Variants in GCNT4 observed in about 807,000 individuals in gnomAD.
GCNT4 encodes the protein beta-1,3-galactosyl-O-glycosyl-glycoprotein beta-1,6-N-acetylglucosaminyltransferase 4.
Under a neutral mutation model 31.3 loss-of-function variants are expected in GCNT4, and 17 were observed. That is an observed-to-expected ratio of 0.54 (90% CI 0.37 to 0.81). The LOEUF is 0.81. Ranked by LOEUF, GCNT4 falls within the 40% of genes least tolerant of loss-of-function variation. The probability of loss-of-function intolerance (pLI) is 0.00; values close to 1 mark genes in which losing one functional copy is unlikely to be tolerated. For synonymous variants in GCNT4, 158 were observed against 190.6 expected (o/e 0.83, Z 1.41); for missense variants, 503 against 525.5 (o/e 0.96, Z 0.42).
At position 75,026,697 on chromosome 5, in the gene GCNT4, C is replaced by T. The variant is rs1742953836; in HGVS notation, c.*1979G>A. On this transcript the variant is annotated 3_prime_UTR_variant, in exon 4 of 4. Coordinates refer to ENST00000652361, the MANE Select transcript of GCNT4 (RefSeq NM_001366737.1). Reference sequence around the variant, plus strand: ...ACACTTGTGTGGAAGCAAGGATAGGCATCCAAGTGCTCATTTCAAAGATCT... The same window carrying T: ...ACACTTGTGTGGAAGCAAGGATAGGTATCCAAGTGCTCATTTCAAAGATCT... 7.1e-6 allele frequency: 1 copy of T among 141,534 alleles called. No homozygotes were observed. The highest frequency in any genetic ancestry group is 2.7e-5 in the African/African-American group (1 of 37,340). 8.8% of individuals were successfully genotyped at this position (141,534 alleles called of 1,614,324 possible).
intron 3 of GCNT4, among the ~76,000 whole-genome samples, chr5:75,040,433 T>C (rs530664329): frequency 1.6e-4 from 24 of 152,316 alleles, no homozygotes; most frequent in Admixed American, 6.5e-4. Context: ...ATTAAAGACA[T>C]CCATACCTGG....
At position 75,029,773 on chromosome 5, in the gene GCNT4, C is replaced by T. The variant is rs752610975; in HGVS notation, c.265G>A (p.Glu89Lys). 3.7e-6 allele frequency: 6 copies of T among 1,614,118 alleles called. No homozygotes were observed. Among genetic ancestry groups the T allele is most frequent in the Non-Finnish European group, 5.1e-6 (6 of 1,180,004 alleles). Residue 89 changes from glutamate to lysine, a missense_variant, in exon 4 of 4, where the codon GAA becomes AAA. Glu to Lys is a moderately conservative substitution (Grantham distance 56). Transcript: ENST00000652361. ...TCAATGATGTCCCTTCTTCTTATTT[C>T]CAGACTCTTTCCAATTTCCAAAGGC... The part of the protein sequence containing the change: ...QEPLEIGKSL[E>K]IRRRDIIDLE...
chr5:75,047,537 G>T (rs1743468898), intron 3 of GCNT4, among the ~76,000 whole-genome samples: 1 of 152,050 alleles, frequency 6.6e-6, no homozygotes, highest in South Asian at 2.1e-4. Flanking sequence ...ATTAGTTAAG[G>T]ATAATGATAC....
intron 2 of GCNT4, among the ~76,000 whole-genome samples, chr5:75,050,360 C>G (rs1408856865): frequency 6.6e-6 from 1 of 152,200 alleles, no homozygotes; most frequent in Non-Finnish European, 1.5e-5. Context: ...CCTGTGTGTT[C>G]AGCTTCTCCT....
Position 75,032,922 on chromosome 5 carries a change from T to TGTGA in GCNT4, c.-1-2885_-1-2884insTCAC, listed in dbSNP as rs1365905626. ...GTGTGTGTGTGTGTGTGTGTGTGTG[T>TGTGA]GATTAATTCATGGTTATTAGGTATA... is the stretch of plus-strand genomic sequence containing the variant. On this transcript the variant is annotated intron_variant, in intron 3 of 3. Coordinates refer to ENST00000652361, the MANE Select transcript of GCNT4 (RefSeq NM_001366737.1). 2.6e-3 allele frequency among the ~76,000 whole-genome samples: 382 copies of TGTGA among 145,890 alleles called. 2 individuals are homozygous for TGTGA. Among genetic ancestry groups the TGTGA allele is most frequent in the Non-Finnish European group, 2.9e-3 (192 of 66,458 alleles).
At chr5:75,018,228 A>G in the GCNT4 span, among the ~76,000 whole-genome samples, 1 of 152,308 alleles carries the variant, frequency 6.6e-6, no homozygotes, top group African/African-American at 2.4e-5. Flanking sequence ...ACAACTCAGC[A>G]TAGATGTTGT....
intron 2 of GCNT4, among the ~76,000 whole-genome samples, chr5:75,051,027 G>T (rs979805994): frequency 2.6e-5 from 4 of 152,262 alleles, no homozygotes; most frequent in African/African-American, 4.8e-5. Context: ...AGTGGTATCT[G>T]CTGGCCTCCC....
At chr5:75,021,474 G>A (rs1427976232), downstream of GCNT4, among the ~76,000 whole-genome samples, 1 of 152,198 alleles carries the variant, frequency 6.6e-6, no homozygotes, top group Non-Finnish European at 1.5e-5. Flanking sequence ...CAGTAGCCAG[G>A]AGGGCTCTTT....
chr5:75,029,730 ACAT>A lies in GCNT4; in HGVS notation c.305_307del (p.Asp102del). The stretch of plus-strand genomic sequence containing the variant: ...GTCACAATCACTGGTCATTGCCACA[ACAT>A]CATCATCCTCCAAGTCAATGATGTC... On this transcript the variant is annotated inframe_deletion, in exon 4 of 4. Coordinates refer to ENST00000652361, the MANE Select transcript of GCNT4 (RefSeq NM_001366737.1). 1 of 1,614,152 alleles carries A rather than the reference ACAT, an allele frequency of 6.2e-7. No homozygotes were observed. The highest frequency in any genetic ancestry group is 8.5e-7 in the Non-Finnish European group (1 of 1,180,022).
At chr5:75,032,862 C>T (rs1743095427) in intron 3 of GCNT4, among the ~76,000 whole-genome samples, 1 of 126,526 alleles carries the variant, frequency 7.9e-6, no homozygotes, top group Non-Finnish European at 1.8e-5. Context: ...ACTAATCAAT[C>T]CCAAATAGGG....
rs755169300 is a variant in GCNT4, at chr5:75,029,192, T to C, written c.846A>G (p.Pro282=). The stretch of plus-strand genomic sequence containing the variant: ...CTTCCTTGGAGATGTTTGTCCTTAT[T>C]GGTAGCTTCACATATTCATAAGGCA... ...RRVPYEYVKL[P]IRTNISKEAP... is the part of the protein sequence containing the mutation. The change falls in exon 4 of 4, where the codon CCA becomes CCG. Residue 282 remains proline, a synonymous_variant. Transcript: ENST00000652361. 1.9e-6 allele frequency: 3 copies of C among 1,614,008 alleles called. No individual in the cohort carries two copies. The highest frequency in any genetic ancestry group is 1.1e-5 in the South Asian group (1 of 91,084).
At chr5:75,050,508 G>C (rs1448706925) in intron 2 of GCNT4, among the ~76,000 whole-genome samples, 2 of 151,906 alleles carry the variant, frequency 1.3e-5, no homozygotes, top group African/African-American at 4.8e-5. Context: ...ATCCACCCCA[G>C]GATTCAGACC....
At chr5:75,053,291 C>G (rs1434701457), upstream of GCNT4, among the ~76,000 whole-genome samples, 1 of 151,948 alleles carries the variant, frequency 6.6e-6, no homozygotes, top group Non-Finnish European at 1.5e-5. Context: ...CTCCTGCAGG[C>G]GCGGAGAGAG....
chr5:75,023,132 G>T (rs944248831), downstream of GCNT4, among the ~76,000 whole-genome samples: 7 of 152,174 alleles, frequency 4.6e-5, no homozygotes, highest in African/African-American at 1.7e-4. Context: ...CTGGAATGGA[G>T]TCAGTCATCA....
In GCNT4 at chr5:75,028,967, C is replaced by CT; in HGVS notation, c.1070dup (p.Asp358GlyfsTer4). On this transcript the variant is annotated frameshift_variant, in exon 4 of 4. Coordinates refer to ENST00000652361, the MANE Select transcript of GCNT4 (RefSeq NM_001366737.1). LOFTEE classifies it high-confidence loss of function. ...TCTTACTCTGCAGATCAGACACATC[C>CT]TGGGCTGATCTGGAAATCTCCCCAG... The CT allele has an allele frequency of 6.2e-7, 1 of 1,613,960 alleles. No individual in the cohort carries two copies. The highest frequency in any genetic ancestry group is 8.5e-7 in the Non-Finnish European group (1 of 1,179,996).
In GCNT4 at chr5:75,027,754, A is replaced by G. The variant is rs1219066150; in HGVS notation, c.*922T>C. On this transcript the variant is annotated 3_prime_UTR_variant, in exon 4 of 4. Coordinates refer to ENST00000652361, the MANE Select transcript of GCNT4 (RefSeq NM_001366737.1). Reference sequence around the variant, plus strand: ...TGATAGTTCCATACAACAGAATTATAATGATTCCACAGAAAGTATTCCATT... The same window carrying G: ...TGATAGTTCCATACAACAGAATTATGATGATTCCACAGAAAGTATTCCATT... The G allele has an allele frequency of 2.6e-5, 4 of 152,538 alleles. No individual in the cohort carries two copies. Among genetic ancestry groups the G allele is most frequent in the South Asian group, 2.1e-4 (1 of 4,828 alleles). The allele number at this position is 152,538 out of a possible 1,614,324, so 9.4% of individuals were successfully genotyped here.
chr5:75,022,135 G>A (rs1485367571), downstream of GCNT4, among the ~76,000 whole-genome samples: 1 of 151,942 alleles, frequency 6.6e-6, no homozygotes, highest in East Asian at 1.9e-4. Context: ...GTCTGAACTC[G>A]AGATTTCACC....
downstream of GCNT4, chr5:75,023,848 A>G (rs1742909853): frequency 6.6e-6 from 1 of 152,158 alleles, no homozygotes; most frequent in Non-Finnish European, 1.5e-5. Context: ...CCTGGCCATG[A>G]TTTTCCCTGA....
chr5:75,038,444 C>T (rs1254986861), intron 3 of GCNT4, among the ~76,000 whole-genome samples: 1 of 152,186 alleles, frequency 6.6e-6, no homozygotes, highest in African/African-American at 2.4e-5. Flanking sequence ...CACCTTCCCC[C>T]TTTACATATG....
Sources: gnomAD v4.1 joint callset for allele counts (sites outside exome capture counted in the v4.1 genomes callset) on GRCh38, gnomAD v4.1.1 for gene constraint, MANE v1.5 for transcripts, NCBI Gene and HGNC (gene_info 2026-07-23, HGNC 2026-07-21) for gene names.